CENPF: variants seen among roughly 807,000 people sequenced by gnomAD.
CENPF encodes the protein AH antigen.
In CENPF, 214 loss-of-function variants were observed where a neutral mutation model predicts 307.3. That is an observed-to-expected ratio of 0.70 (90% CI 0.62 to 0.78). The LOEUF is 0.78. Ranked by LOEUF, CENPF falls within the 30% of genes least tolerant of loss-of-function variation. The pLI is 0.00. For missense variants in CENPF, 3,401 were observed against 3,483.9 expected (o/e 0.98, Z 0.60); for synonymous variants, 1,259 against 1,270.6 (o/e 0.99, Z 0.19).
intron 1 of CENPF, chr1:214,608,392 T>A: frequency 6.2e-7 from 1 of 1,613,422 alleles, no homozygotes; most frequent in Non-Finnish European, 8.5e-7. Context: ...GCTGGCACCG[T>A]AGCCGGAGTA....
chr1:214,623,442 G>A (rs1657570921), intron 7 of CENPF, among the ~76,000 whole-genome samples: 2 of 152,088 alleles, frequency 1.3e-5, no homozygotes, highest in Non-Finnish European at 2.9e-5. Context: ...TATCTGCAAG[G>A]AGTCCTGGAA....
At chr1:214,655,508 A>G in intron 17 of CENPF, 105 bp downstream of exon 17, 1 of 943,444 alleles carries the variant, frequency 1.1e-6, no homozygotes, top group South Asian at 3.3e-5. Flanking sequence ...GTGTTCTATT[A>G]CTGAGTGCTG....
At chr1:214,630,700 C>T (rs1254818614) in intron 9 of CENPF, 38 bp downstream of exon 9, 3 of 1,607,190 alleles carry the variant, frequency 1.9e-6, no homozygotes, top group East Asian at 4.5e-5. Flanking sequence ...TTAATCATCC[C>T]CTCTTGTTCC....
Position 214,651,757 on chromosome 1 carries a change from C to G in CENPF, c.8031C>G (p.Ser2677Arg). The G allele has an allele frequency of 6.2e-7, 1 of 1,610,998 alleles. No individual in the cohort carries two copies. Among genetic ancestry groups the G allele is most frequent in the Non-Finnish European group, 8.5e-7 (1 of 1,178,978 alleles). The change falls in exon 15 of 20, where the codon AGC becomes AGG. Residue 2677 changes from serine to arginine, a missense_variant. Transcript: ENST00000366955. ...LTLENSELKK[S>R]LDCMHKDQVE... Reference sequence around the variant, plus strand: ...TAGAAAATAGTGAATTGAAGAAGAGCCTAGATTGCATGCACAAAGACCAGG... The same window carrying G: ...TAGAAAATAGTGAATTGAAGAAGAGGCTAGATTGCATGCACAAAGACCAGG...
At chr1:214,648,975 T>G (rs1658387567) in intron 14 of CENPF, 148 bp downstream of exon 14, 1 of 790,994 alleles carries the variant, frequency 1.3e-6, no homozygotes, top group Non-Finnish European at 2.0e-6. Context: ...ATAATCTGAT[T>G]TATAGTAATC....
chr1:214,619,633 GTTA>G (rs1657452794), intron 5 of CENPF, among the ~76,000 whole-genome samples: 1 of 152,112 alleles, frequency 6.6e-6, no homozygotes. Context: ...TTGTTCACGT[GTTA>G]TTTGCTGAAA....
Position 214,643,017 on chromosome 1 carries a change from G to A in CENPF, c.4679G>A (p.Arg1560Gln), listed in dbSNP as rs188197039. 2.1e-5 allele frequency: 33 copies of A among 1,609,066 alleles called. No homozygotes were observed. The Admixed American group carries it at 4.6e-4, about 23-fold the overall frequency. ...EELESLCEVY[R>Q]QSLEKLEEKM... ...CTTGAGTCCCTCTGTGAGGTGTACC[G>A]GCAGTCCCTCGAGAAGCTAGAAGAG... Residue 1560 changes from arginine (R) to glutamine (Q), a missense_variant, in exon 12 of 20, where the codon CGG becomes CAG. Physicochemically the swap from Arg to Gln is conservative, Grantham distance 43 (BLOSUM62 1). Coordinates refer to ENST00000366955, the MANE Select transcript of CENPF (RefSeq NM_016343.4).
chr1:214,607,488 C>T (rs1222767651), intron 1 of CENPF, among the ~76,000 whole-genome samples: 1 of 152,150 alleles, frequency 6.6e-6, no homozygotes, highest in Non-Finnish European at 1.5e-5. Context: ...TGCCAGGGGA[C>T]CAGCTCCCAG....
At chr1:214,662,120 T>C (rs1357452925) in intron 19 of CENPF, among the ~76,000 whole-genome samples, 1 of 152,166 alleles carries the variant, frequency 6.6e-6, no homozygotes, top group Non-Finnish European at 1.5e-5. Context: ...ATAAAGAGGC[T>C]TATAGGCTCA....
chr1:214,605,246 A>G (rs1656990532), intron 1 of CENPF, among the ~76,000 whole-genome samples: 1 of 152,188 alleles, frequency 6.6e-6, no homozygotes, highest in Non-Finnish European at 1.5e-5. Flanking sequence ...ACAAGTGAAA[A>G]AGTGTTTTTA....
chr1:214,621,458 GA>G (rs1657504446), intron 6 of CENPF, among the ~76,000 whole-genome samples: 1 of 152,170 alleles, frequency 6.6e-6, no homozygotes, highest in Non-Finnish European at 1.5e-5. Context: ...CTACTCTGTA[GA>G]AGATGATAAT....
intron 19 of CENPF, among the ~76,000 whole-genome samples, chr1:214,662,851 C>T (rs1658822539): frequency 6.6e-6 from 1 of 151,760 alleles, no homozygotes. Context: ...ACTATCACGG[C>T]TCACTGCAGC....
chr1:214,621,460 A>C (rs1051002763), intron 6 of CENPF, among the ~76,000 whole-genome samples: 1 of 152,160 alleles, frequency 6.6e-6, no homozygotes, highest in African/African-American at 2.4e-5. Context: ...ACTCTGTAGA[A>C]GATGATAATT....
intron 7 of CENPF, among the ~76,000 whole-genome samples, chr1:214,628,652 T>G (rs1050472908): frequency 6.6e-6 from 1 of 152,204 alleles, no homozygotes; most frequent in African/African-American, 2.4e-5. Context: ...CCATGTTGCC[T>G]CAGCATTTGG....
At chr1:214,635,883 CTTCTT>C (rs1449526290) in intron 10 of CENPF, among the ~76,000 whole-genome samples, 4 of 152,180 alleles carry the variant, frequency 2.6e-5, no homozygotes, top group Non-Finnish European at 5.9e-5. Flanking sequence ...CCCTCTCTCT[CTTCTT>C]TTTTCCTTCC....
In CENPF at chr1:214,629,128, C is replaced by A. The variant is rs1212622752; in HGVS notation, c.1151C>A (p.Ser384Tyr). The A allele has an allele frequency of 6.2e-7, 1 of 1,609,072 alleles. No homozygotes were observed. The highest frequency in any genetic ancestry group is 8.5e-7 in the Non-Finnish European group (1 of 1,178,504). The stretch of plus-strand genomic sequence containing the variant: ...CAAAATGCAGAAAGTGCCAGATGTT[C>A]TCTGGAACAGAAAATTAAGGAAAAA... ...QRQNAESARC[S>Y]LEQKIKEKEK... Residue 384 changes from serine (S) to tyrosine (Y), a missense_variant, in exon 8 of 20, where the codon TCT becomes TAT. Physicochemically the swap from Ser to Tyr is moderately radical, Grantham distance 144 (BLOSUM62 -2). Coordinates refer to ENST00000366955, the MANE Select transcript of CENPF (RefSeq NM_016343.4).
At position 214,629,136 on chromosome 1, in the gene CENPF, C is replaced by A. The variant is rs202217426; in HGVS notation, c.1159C>A (p.Gln387Lys). The change falls in exon 8 of 20, where the codon CAG becomes AAG. Residue 387 changes from glutamine to lysine, a missense_variant. Physicochemically the swap from Gln to Lys is moderately conservative, Grantham distance 53. Coordinates refer to ENST00000366955, the MANE Select transcript of CENPF (RefSeq NM_016343.4). ...AGAAAGTGCCAGATGTTCTCTGGAA[C>A]AGAAAATTAAGGAAAAAGAAAAGGA... ...NAESARCSLE[Q>K]KIKEKEKEFQ... 3.1e-6 allele frequency: 5 copies of A among 1,607,926 alleles called. No individual in the cohort carries two copies. The Admixed American group carries it at 8.5e-5, about 27-fold the overall frequency.
In CENPF at chr1:214,646,681, G is replaced by T; in HGVS notation, c.7111G>T (p.Ala2371Ser). 1 of 1,613,812 alleles carries T rather than the reference G, an allele frequency of 6.2e-7. No individual in the cohort carries two copies. The change falls in exon 13 of 20, where the codon GCA becomes TCA. Residue 2371 changes from alanine to serine, a missense_variant. Transcript: ENST00000366955. ...CAAAGGAGAGGTAGAGACCCTAAAA[G>T]CAAAAATAGAAGGGATGACCCAAAG... is the stretch of plus-strand genomic sequence containing the variant. ...NSKGEVETLKAKIEGMTQSLR... is the reference protein window; with the variant it reads ...NSKGEVETLKSKIEGMTQSLR...
At chr1:214,607,201 G>A (rs565750980) in intron 1 of CENPF, among the ~76,000 whole-genome samples, 1 of 152,336 alleles carries the variant, frequency 6.6e-6, no homozygotes, top group East Asian at 1.9e-4. Context: ...GGAGCCCCCA[G>A]CTGCCACCTG....
Sources: allele counts gnomAD v4.1 joint callset (sites outside exome capture counted in the v4.1 genomes callset), GRCh38; gene constraint gnomAD v4.1.1; transcripts MANE v1.5; gene names NCBI Gene and HGNC (gene_info 2026-07-23, HGNC 2026-07-21).